SH2D1B: variants seen among roughly 807,000 people sequenced by gnomAD.
SH2D1B encodes the protein SH2 domain-containing protein 1B.
A neutral mutation model predicts 16.3 loss-of-function variants in SH2D1B; 11 were observed. That is an observed-to-expected ratio of 0.67 (90% CI 0.42 to 1.11). The LOEUF is 1.11. Among genes scored for constraint, SH2D1B ranks in the 50% most tolerant of loss-of-function variants. The pLI, the probability that SH2D1B is intolerant of heterozygous loss-of-function variation, is 0.00. For missense variants in SH2D1B, 123 were observed against 153.1 expected (o/e 0.80, Z 1.04); for synonymous variants, 55 against 56.1 (o/e 0.98, Z 0.09).
At chr1:162,404,082 T>A (rs1183893057) in intron 1 of SH2D1B, among the ~76,000 whole-genome samples, 4 of 152,192 alleles carry the variant, frequency 2.6e-5, no homozygotes, top group Non-Finnish European at 5.9e-5. Context: ...AGGCCTATAA[T>A]CCTAGCACTT....
chr1:162,397,206 A>G lies in SH2D1B; in HGVS notation c.*74T>C, dbSNP rs991842724. On this transcript the variant is annotated 3_prime_UTR_variant, in exon 4 of 4. Transcript: ENST00000367929. ...CACTAGAGTTTGGTGCTCTGGACCT[A>G]TGCCTGCAGAAGTGGGTCATCAGTG... is the stretch of plus-strand genomic sequence containing the variant. 1.8e-5 allele frequency: 27 copies of G among 1,531,938 alleles called. No individual in the cohort carries two copies. Among genetic ancestry groups the G allele is most frequent in the Non-Finnish European group, 2.4e-5 (26 of 1,106,152 alleles). The allele number at this position is 1,531,938 out of a possible 1,614,324, so 94.9% of individuals were successfully genotyped here. A position where few individuals can be genotyped will look rare whatever the true frequency, so the allele number is the denominator to read the frequency against.
chr1:162,409,457 C>T (rs1421524135), intron 1 of SH2D1B, among the ~76,000 whole-genome samples: 1 of 152,194 alleles, frequency 6.6e-6, no homozygotes, highest in Non-Finnish European at 1.5e-5. Context: ...TTCCAAACTA[C>T]ATTTTAGGAA....
At chr1:162,401,111 G>A (rs938456503) in intron 2 of SH2D1B, among the ~76,000 whole-genome samples, 106 of 152,262 alleles carry the variant, frequency 7.0e-4, no homozygotes, top group African/African-American at 2.5e-3. Context: ...AGAGGTACAG[G>A]CTGACATCAA....
rs766614644 is a variant in SH2D1B at position 162,395,979 on chromosome 1, A to C, written c.*1301T>G. 3 of 152,246 alleles carry C rather than the reference A, an allele frequency of 2.0e-5. No individual in the cohort carries two copies. The highest frequency in any genetic ancestry group is 4.4e-5 in the Non-Finnish European group (3 of 68,046). The allele number at this position is 152,246 out of a possible 1,614,324, so 9.4% of individuals were successfully genotyped here. A position where few individuals can be genotyped will look rare whatever the true frequency, so the allele number is the denominator to read the frequency against. On this transcript the variant is annotated 3_prime_UTR_variant, in exon 4 of 4. Transcript: ENST00000367929. ...ATTTCACGTATTTATTATAAAATGTATATAGAAGAATCAAGGTCCATGAAT... is the reference window on the plus strand; with the variant it reads ...ATTTCACGTATTTATTATAAAATGTCTATAGAAGAATCAAGGTCCATGAAT...
intron 2 of SH2D1B, chr1:162,402,404 G>A (rs1444892072): frequency 5.6e-6 from 1 of 177,036 alleles, no homozygotes; most frequent in Non-Finnish European, 1.2e-5. Flanking sequence ...CCAGCTACTT[G>A]GGGGGGCGGG....
At chr1:162,402,823 T>G (rs1325597564) in intron 1 of SH2D1B, 21 bp from the exon 2 acceptor site, 3 of 1,586,742 alleles carry the variant, frequency 1.9e-6, no homozygotes, top group Non-Finnish European at 2.6e-6. Flanking sequence ...AATGACTGTG[T>G]GAATCAAAAT....
intron 1 of SH2D1B, among the ~76,000 whole-genome samples, chr1:162,403,553 A>T (rs1648582790): frequency 7.3e-6 from 1 of 137,818 alleles, no homozygotes; most frequent in Admixed American, 7.8e-5. Context: ...TGTAATTACT[A>T]TATAACCTCA....
chr1:162,408,978 C>T (rs2250489), intron 1 of SH2D1B, among the ~76,000 whole-genome samples: 44,786 of 151,246 alleles, frequency 0.3, 6,859 homozygotes, highest in Middle Eastern at 0.43. Context: ...CATGGTAGTG[C>T]GCACCTGTAG....
intron 2 of SH2D1B, among the ~76,000 whole-genome samples, chr1:162,400,457 ATTTTTTT>A (rs34822047): frequency 3.6e-5 from 4 of 110,838 alleles, no homozygotes; most frequent in Admixed American, 1.1e-4. Context: ...TACCTGGCTA[ATTTTTTT>A]TTTTTTTTTT....
intron 2 of SH2D1B, among the ~76,000 whole-genome samples, chr1:162,399,954 G>T (rs1433033786): frequency 6.6e-6 from 1 of 151,966 alleles, no homozygotes; most frequent in Admixed American, 6.6e-5. Context: ...TCTCTTTATT[G>T]GCTTTAAAAG....
At chr1:162,398,370 G>C (rs901114944) in intron 3 of SH2D1B, among the ~76,000 whole-genome samples, 1 of 152,246 alleles carries the variant, frequency 6.6e-6, no homozygotes, top group African/African-American at 2.4e-5. Flanking sequence ...GATTTCAAGA[G>C]TGTGGGTAAG....
chr1:162,404,394 T>C (rs143658004), intron 1 of SH2D1B, among the ~76,000 whole-genome samples: 1 of 152,198 alleles, frequency 6.6e-6, no homozygotes. Flanking sequence ...GCTGAGAGGA[T>C]ATTTTAAGTT....
chr1:162,398,871 T>C (rs931614071), intron 3 of SH2D1B, 52 bp downstream of exon 3: 1 of 1,557,420 alleles, frequency 6.4e-7, no homozygotes, highest in Non-Finnish European at 8.7e-7. Context: ...AGTAAGGCAT[T>C]GGTGGAAATA....
chr1:162,400,200 C>T (rs1462587034), intron 2 of SH2D1B, among the ~76,000 whole-genome samples: 1 of 151,914 alleles, frequency 6.6e-6, no homozygotes, highest in East Asian at 1.9e-4. Flanking sequence ...CAAAAAAGTC[C>T]CAATGTAAAT....
At chr1:162,399,300 A>G (rs1470088771) in intron 2 of SH2D1B, among the ~76,000 whole-genome samples, 2 of 152,140 alleles carry the variant, frequency 1.3e-5, no homozygotes, top group Non-Finnish European at 2.9e-5. Context: ...AGGATTTGCA[A>G]TCAAGGGATC....
intron 1 of SH2D1B, among the ~76,000 whole-genome samples, chr1:162,409,237 G>T (rs1267173809): frequency 6.6e-6 from 1 of 151,978 alleles, no homozygotes; most frequent in Non-Finnish European, 1.5e-5. Flanking sequence ...AGCACAACTA[G>T]CTCTTCACCG....
At position 162,397,127 on chromosome 1, in the gene SH2D1B, G is replaced by T; in HGVS notation, c.*153C>A. The T allele has an allele frequency of 1.4e-6, 1 of 736,946 alleles. No homozygotes were observed. Among genetic ancestry groups the T allele is most frequent in the Non-Finnish European group, 2.3e-6 (1 of 438,202 alleles). 45.7% of individuals were successfully genotyped at this position (736,946 alleles called of 1,614,324 possible). A position where few individuals can be genotyped will look rare whatever the true frequency, so the allele number is the denominator to read the frequency against. ...GGCGGGGATGTGGAGAGTGACCTCT[G>T]GTGCTGGTGGGCAGAACATCTTCAG... On this transcript the variant is annotated 3_prime_UTR_variant, in exon 4 of 4. Transcript: ENST00000367929.
chr1:162,408,785 G>A (rs1477285086), intron 1 of SH2D1B, among the ~76,000 whole-genome samples: 2 of 151,616 alleles, frequency 1.3e-5, no homozygotes, highest in Non-Finnish European at 2.9e-5. Flanking sequence ...CCACAGAACA[G>A]TTGAGAATAA....
intron 1 of SH2D1B, among the ~76,000 whole-genome samples, chr1:162,408,546 G>T (rs56335741): frequency 6.6e-6 from 1 of 151,318 alleles, no homozygotes; most frequent in Non-Finnish European, 1.5e-5. Flanking sequence ...CTGAGTAGCT[G>T]GGACTACAGG....
Sources: gnomAD v4.1 joint callset for allele counts (sites outside exome capture counted in the v4.1 genomes callset) on GRCh38, gnomAD v4.1.1 for gene constraint, MANE v1.5 for transcripts, NCBI Gene and HGNC (gene_info 2026-07-23, HGNC 2026-07-21) for gene names.